The following ALDH3A2 variants were observed in gnomAD, a reference collection of about 807,000 sequenced individuals.
The protein encoded by ALDH3A2 is aldehyde dehydrogenase family 3 member A2.
A neutral mutation model predicts 51.3 loss-of-function variants in ALDH3A2; 36 were observed. The observed-to-expected ratio is 0.70, with a 90% CI of 0.54 to 0.93. ALDH3A2 has a LOEUF of 0.93. ALDH3A2 is among the 40% of genes least tolerant of loss of function. ALDH3A2 has a pLI of 0.00. For missense variants in ALDH3A2, 552 were observed against 603.1 expected (o/e 0.92, Z 0.89); for synonymous variants, 199 against 219.8 (o/e 0.91, Z 0.84).
At chr17:19,666,915 A>T (rs1430323846) in intron 8 of ALDH3A2, among the ~76,000 whole-genome samples, 1 of 151,852 alleles carries the variant, frequency 6.6e-6, no homozygotes, top group Admixed American at 6.6e-5. Context: ...TCTCTTAGCA[A>T]ATTTCAGGCA....
At chr17:19,664,881 T>TGGTG in intron 7 of ALDH3A2, 67 bp from the exon 8 acceptor site, 1 of 1,066,634 alleles carries the variant, frequency 9.4e-7, no homozygotes, top group South Asian at 1.3e-5. Context: ...GCCCTCTGTG[T>TGGTG]GGTGGGGCCA....
chr17:19,662,425 T>C (rs58851845), intron 6 of ALDH3A2, among the ~76,000 whole-genome samples: 3,439 of 152,292 alleles, frequency 0.023, 118 homozygotes, highest in African/African-American at 0.078. Context: ...TATTAGAAAC[T>C]GGGGGTAAAG....
In ALDH3A2 at chr17:19,649,116, C is replaced by G; in HGVS notation, c.145C>G (p.Leu49Val). 6.4e-7 allele frequency: 1 copy of G among 1,573,304 alleles called. No individual in the cohort carries two copies. Among genetic ancestry groups the G allele is most frequent in the Non-Finnish European group, 8.6e-7 (1 of 1,159,660 alleles). Reference protein sequence around the residue: ...KDILTAIAADLCKSEFNVYSQ... With the variant: ...KDILTAIAADVCKSEFNVYSQ... ...TATCCTGACGGCCATCGCCGCCGAC[C>G]TGTGCAAGGTACGCACGCGTGCGGC... is the stretch of plus-strand genomic sequence containing the variant. Residue 49 changes from leucine (L) to valine (V), a missense_variant, in exon 1 of 10, where the codon CTG becomes GTG. Physicochemically the swap from Leu to Val is conservative, Grantham distance 32. Transcript: ENST00000176643.
intron 6 of ALDH3A2, among the ~76,000 whole-genome samples, chr17:19,662,879 C>T (rs2084984671): frequency 2.0e-5 from 3 of 152,082 alleles, no homozygotes; most frequent in Admixed American, 2.0e-4. Flanking sequence ...GTGGTGCATG[C>T]CTGTAATCCC....
chr17:19,664,891 A>G (rs938276881), intron 7 of ALDH3A2, 57 bp from the exon 8 acceptor site: 6 of 1,224,268 alleles, frequency 4.9e-6, no homozygotes, highest in Non-Finnish European at 7.2e-6. Flanking sequence ...TGGTGGGGCC[A>G]TGAGTGTTCC....
In ALDH3A2 at chr17:19,654,070, C is replaced by T. The variant is rs1374566653; in HGVS notation, c.471+1438C>T. Among the ~76,000 whole-genome samples, 1 of 152,218 alleles carries T rather than the reference C, an allele frequency of 6.6e-6. No individual in the cohort carries two copies. Among genetic ancestry groups the T allele is most frequent in the African/African-American group, 2.4e-5 (1 of 41,462 alleles). ...AGTGCTGACTGGTGCTTTTACAATC[C>T]TCTAGCTAGACATAAAAGTTCTCCA... On this transcript the variant is annotated intron_variant, in intron 3 of 9. Coordinates refer to ENST00000176643, the MANE Select transcript of ALDH3A2 (RefSeq NM_000382.3). The surrounding 1 kb of genome is among the most constrained non-coding windows in gnomAD (Gnocchi z 4.5).
chr17:19,671,802 TAA>T lies in ALDH3A2; in HGVS notation c.1291_1292del (p.Lys431GlufsTer5), dbSNP rs781059624. 3.1e-6 allele frequency: 5 copies of T among 1,614,178 alleles called. No individual in the cohort carries two copies. In the East Asian group the frequency reaches 1.1e-4, roughly 36 times the overall value. ...CAGCGTCCCTGTTTATTAAAAAGTT[TAA>T]AGAGAGAAGGTGCTAACAAACTCAG... On this transcript the variant is annotated frameshift_variant, in exon 9 of 10. Transcript: ENST00000176643. LOFTEE classifies it high-confidence loss of function.
chr17:19,655,918 CT>C, intron 3 of ALDH3A2, among the ~76,000 whole-genome samples: 1 of 152,376 alleles, frequency 6.6e-6, no homozygotes, highest in South Asian at 2.1e-4. Flanking sequence ...CTCTCAGCTA[CT>C]GTGCCGGATA....
At chr17:19,655,595 G>T (rs1044728426) in intron 3 of ALDH3A2, among the ~76,000 whole-genome samples, 2 of 152,200 alleles carry the variant, frequency 1.3e-5, no homozygotes, top group Non-Finnish European at 1.5e-5. Flanking sequence ...GCCTTCAAGT[G>T]GAAACATGAG....
chr17:19,673,006 A>C, intron 9 of ALDH3A2: 1 of 1,067,632 alleles, frequency 9.4e-7, no homozygotes, highest in Non-Finnish European at 1.4e-6. Flanking sequence ...ATGCCACTGC[A>C]CTCCAGCCTG....
intron 9 of ALDH3A2, chr17:19,673,422 T>C (rs2085147329): frequency 5.3e-6 from 6 of 1,142,142 alleles, no homozygotes; most frequent in African/African-American, 3.1e-5. Context: ...TTAAGGGTTA[T>C]TGAAAAAAGA....
intron 2 of ALDH3A2, among the ~76,000 whole-genome samples, chr17:19,652,294 A>G (rs2084826544): frequency 6.6e-6 from 1 of 152,172 alleles, no homozygotes; most frequent in Non-Finnish European, 1.5e-5. Context: ...AGTGGGAGAA[A>G]AGCGATAGAA....
In ALDH3A2 at chr17:19,675,595, T is replaced by C. The variant is rs1302137192; in HGVS notation, c.*23T>C. 2 of 1,607,302 alleles carry C rather than the reference T, an allele frequency of 1.2e-6. No homozygotes were observed. The highest frequency in any genetic ancestry group is 1.7e-5 in the Admixed American group (1 of 60,018). On this transcript the variant is annotated 3_prime_UTR_variant, in exon 10 of 10. Coordinates refer to ENST00000176643, the MANE Select transcript of ALDH3A2 (RefSeq NM_000382.3). Reference sequence around the variant, plus strand: ...TGAAGAATGATCCTGTTCAACCTCCTAGTGCCTCTACTGAATTATTCCTCT... The same window carrying C: ...TGAAGAATGATCCTGTTCAACCTCCCAGTGCCTCTACTGAATTATTCCTCT...
chr17:19,648,949 G>C lies in ALDH3A2; in HGVS notation c.-23G>C. Reference sequence around the variant, plus strand: ...CCACTCCCCAGCGCCCCCGGACCGTGCAGTTCTCTGCAGGACCAGGCCATG... The same window carrying C: ...CCACTCCCCAGCGCCCCCGGACCGTCCAGTTCTCTGCAGGACCAGGCCATG... On this transcript the variant is annotated 5_prime_UTR_variant, in exon 1 of 10. Coordinates refer to ENST00000176643, the MANE Select transcript of ALDH3A2 (RefSeq NM_000382.3). The C allele has an allele frequency of 6.4e-7, 1 of 1,573,176 alleles. No individual in the cohort carries two copies. Among genetic ancestry groups the C allele is most frequent in the Non-Finnish European group, 8.6e-7 (1 of 1,160,278 alleles).
At chr17:19,671,130 G>A (rs1030429441) in intron 8 of ALDH3A2, among the ~76,000 whole-genome samples, 2 of 152,182 alleles carry the variant, frequency 1.3e-5, no homozygotes, top group African/African-American at 4.8e-5. Flanking sequence ...CTTTGTGGAG[G>A]GCAGAGATTT....
rs1301511873 is a variant in ALDH3A2 at position 19,654,268 on chromosome 17, G to A, written c.471+1636G>A. Among the ~76,000 whole-genome samples the A allele has an allele frequency of 2.0e-5, 3 of 152,254 alleles. No homozygotes were observed. Among genetic ancestry groups the A allele is most frequent in the East Asian group, 1.9e-4 (1 of 5,192 alleles). On this transcript the variant is annotated intron_variant, in intron 3 of 9. Coordinates refer to ENST00000176643, the MANE Select transcript of ALDH3A2 (RefSeq NM_000382.3). The surrounding 1 kb of genome is among the most constrained non-coding windows in gnomAD (Gnocchi z 4.5). ...GGCTTTGCCTAGTGGATCCCACGCC[G>A]GGGCTGTGGGTGGAGCTGCCCATCA...
At chr17:19,658,925 A>G (rs2084932629) in intron 5 of ALDH3A2, among the ~76,000 whole-genome samples, 1 of 152,164 alleles carries the variant, frequency 6.6e-6, no homozygotes, top group Non-Finnish European at 1.5e-5. Context: ...AGAGTAATGC[A>G]TGTGATCTGA....
intron 3 of ALDH3A2, among the ~76,000 whole-genome samples, chr17:19,655,762 G>T (rs2084886282): frequency 6.6e-6 from 1 of 152,172 alleles, no homozygotes; most frequent in African/African-American, 2.4e-5. Context: ...TGCATAGATG[G>T]GCTCAGTCCA....
intron 5 of ALDH3A2, among the ~76,000 whole-genome samples, chr17:19,660,260 C>T (rs918945648): frequency 4.6e-5 from 7 of 152,064 alleles, no homozygotes; most frequent in East Asian, 3.9e-4. Flanking sequence ...AGATTCAGCT[C>T]GTCTGAGGCC....
Sources: gnomAD v4.1 joint callset for allele counts (sites outside exome capture counted in the v4.1 genomes callset) on GRCh38, gnomAD v4.1.1 for gene constraint, Gnocchi (gnomAD v3.1) non-coding constraint, MANE v1.5 for transcripts, NCBI Gene and HGNC (gene_info 2026-07-23, HGNC 2026-07-21) for gene names.